SAMD7: variants seen among roughly 807,000 people sequenced by gnomAD.
SAMD7 encodes the protein sterile alpha motif domain-containing protein 7.
In SAMD7, 34 loss-of-function variants were observed where a neutral mutation model predicts 36.7. The observed-to-expected ratio is 0.93, with a 90% CI of 0.71 to 1.23. The LOEUF (loss-of-function observed/expected upper bound fraction) is 1.23. SAMD7 is among the 50% of genes most tolerant of loss of function. The pLI is 0.00. For synonymous variants in SAMD7, 188 were observed against 189.7 expected (o/e 0.99, Z 0.07); for missense variants, 570 against 546.6 (o/e 1.04, Z -0.43).
At chr3:169,924,393 C>T (rs1713170972) in intron 4 of SAMD7, among the ~76,000 whole-genome samples, 1 of 151,922 alleles carries the variant, frequency 6.6e-6, no homozygotes. Flanking sequence ...TCGAGACCAG[C>T]CTGGCCAACA....
At chr3:169,929,432 G>C (rs1204844133) in intron 7 of SAMD7, among the ~76,000 whole-genome samples, 2 of 152,108 alleles carry the variant, frequency 1.3e-5, no homozygotes, top group Non-Finnish European at 2.9e-5. Context: ...GATCTGTTTT[G>C]TGAAATGTTT....
chr3:169,938,658 G>T lies in SAMD7; in HGVS notation c.*152G>T, dbSNP rs958657726. The T allele has an allele frequency of 1.1e-5, 6 of 561,998 alleles. No homozygotes were observed. Among genetic ancestry groups the T allele is most frequent in the South Asian group, 2.6e-5 (1 of 37,950 alleles). 34.8% of individuals were successfully genotyped at this position (561,998 alleles called of 1,614,324 possible). The stretch of plus-strand genomic sequence containing the variant: ...TTCATGGAGGAGACTTGCCCAAGGG[G>T]CTTCCCTGCCAGGGCTGAATGACCC... On this transcript the variant is annotated 3_prime_UTR_variant, in exon 9 of 9. Coordinates refer to ENST00000335556, the MANE Select transcript of SAMD7 (RefSeq NM_001304366.2).
At chr3:169,929,703 A>C (rs1308933996) in intron 7 of SAMD7, among the ~76,000 whole-genome samples, 1 of 152,130 alleles carries the variant, frequency 6.6e-6, no homozygotes, top group Non-Finnish European at 1.5e-5. Flanking sequence ...GATTTTTGTG[A>C]GCATTAGAGT....
chr3:169,921,191 A>G (rs1317884516), intron 3 of SAMD7, 23 bp from the exon 4 acceptor site: 1 of 1,611,388 alleles, frequency 6.2e-7, no homozygotes. Context: ...TACCTATTTT[A>G]TTTTATATCT....
At chr3:169,932,883 A>G in intron 7 of SAMD7, 4 of 627,334 alleles carry the variant, frequency 6.4e-6, no homozygotes, top group South Asian at 3.0e-5. Context: ...TGCCATTACT[A>G]TAAGAACTTT....
At chr3:169,914,430 G>A (rs1454016189) in intron 1 of SAMD7, among the ~76,000 whole-genome samples, 3 of 152,176 alleles carry the variant, frequency 2.0e-5, no homozygotes, top group South Asian at 2.1e-4. Context: ...AAACAAATGA[G>A]GGAAGCCAAG....
At chr3:169,924,454 G>T (rs1226717778) in intron 4 of SAMD7, among the ~76,000 whole-genome samples, 10 of 151,972 alleles carry the variant, frequency 6.6e-5, no homozygotes, top group Non-Finnish European at 1.2e-4. Context: ...GGGTGTGGTG[G>T]CATGCGCCTG....
chr3:169,936,321 C>T lies in SAMD7; in HGVS notation c.1042-18C>T. 1 of 1,447,024 alleles carries T rather than the reference C, an allele frequency of 6.9e-7. No individual in the cohort carries two copies. Among genetic ancestry groups the T allele is most frequent in the South Asian group, 1.2e-5 (1 of 86,304 alleles). The allele number at this position is 1,447,024 out of a possible 1,614,324, so 89.6% of individuals were successfully genotyped here. Reference sequence around the variant, plus strand: ...AAAAGACATTCAGACAGAGTTAACACCTTTTGTATTTATGAAGGTATTTAA... The same window carrying T: ...AAAAGACATTCAGACAGAGTTAACATCTTTTGTATTTATGAAGGTATTTAA... On this transcript the variant is annotated intron_variant, in intron 7 of 8. Transcript: ENST00000335556.
intron 7 of SAMD7, among the ~76,000 whole-genome samples, chr3:169,934,909 G>A (rs1576839382): frequency 6.6e-6 from 1 of 152,210 alleles, no homozygotes; most frequent in East Asian, 1.9e-4. Context: ...GTACCCAGGA[G>A]GGAGCAGCCT....
At chr3:169,912,602 A>C (rs577064993) in intron 1 of SAMD7, among the ~76,000 whole-genome samples, 1 of 152,334 alleles carries the variant, frequency 6.6e-6, no homozygotes, top group African/African-American at 2.4e-5. Context: ...TTTTCTTTAC[A>C]ATACTTGTAA....
intron 7 of SAMD7, among the ~76,000 whole-genome samples, chr3:169,933,570 T>C (rs928130601): frequency 1.3e-5 from 2 of 152,224 alleles, no homozygotes; most frequent in African/African-American, 4.8e-5. Flanking sequence ...CTCTGGAGTG[T>C]GTGTTTTGAG....
intron 4 of SAMD7, 127 bp from the exon 5 acceptor site, chr3:169,924,931 G>A (rs1217858255): frequency 6.5e-6 from 4 of 613,038 alleles, no homozygotes; most frequent in Non-Finnish European, 1.1e-5. Flanking sequence ...TTCCAAAATT[G>A]TGCGCAATTG....
intron 4 of SAMD7, among the ~76,000 whole-genome samples, chr3:169,924,626 G>A (rs973498419): frequency 1.3e-5 from 2 of 152,118 alleles, no homozygotes; most frequent in African/African-American, 4.8e-5. Flanking sequence ...ACCACAAAAA[G>A]TGATAAATAT....
At chr3:169,924,232 T>A (rs1035951050) in intron 4 of SAMD7, among the ~76,000 whole-genome samples, 4 of 151,956 alleles carry the variant, frequency 2.6e-5, no homozygotes, top group Admixed American at 1.3e-4. Context: ...TATGATTTCT[T>A]TCAAGATAGA....
chr3:169,928,719 G>A lies in SAMD7; in HGVS notation c.1041+141G>A, dbSNP rs1402814941. The A allele has an allele frequency of 9.2e-6, 8 of 866,576 alleles. No homozygotes were observed. The South Asian group carries it at 1.0e-4, about 11-fold the overall frequency. 53.7% of individuals were successfully genotyped at this position (866,576 alleles called of 1,614,324 possible). On this transcript the variant is annotated intron_variant, in intron 7 of 8. Transcript: ENST00000335556. ...CTTTTTTATGCCAGTGTCTACCCTG[G>A]GACAGGTCTCTGATTGGTGGAACTT...
intron 8 of SAMD7, among the ~76,000 whole-genome samples, chr3:169,937,450 T>C (rs1372223949): frequency 3.3e-5 from 5 of 152,046 alleles, no homozygotes; most frequent in African/African-American, 1.2e-4. Context: ...GTTGTTCCCC[T>C]CCCTATGTCC....
chr3:169,930,578 CTTTTTT>C (rs772549629), intron 7 of SAMD7, among the ~76,000 whole-genome samples: 2 of 101,724 alleles, frequency 2.0e-5, no homozygotes, highest in African/African-American at 4.1e-5. Flanking sequence ...CCTTTCTTTT[CTTTTTT>C]TTTTTTTTTT....
chr3:169,912,739 GT>G (rs1365222215), intron 1 of SAMD7, among the ~76,000 whole-genome samples: 1 of 152,170 alleles, frequency 6.6e-6, no homozygotes, highest in African/African-American at 2.4e-5. Flanking sequence ...GCTTTCCAGG[GT>G]ATGTGCTATG....
chr3:169,938,834 T>C lies in SAMD7; in HGVS notation c.*328T>C. 1 of 198,024 alleles carries C rather than the reference T, an allele frequency of 5.0e-6. No homozygotes were observed. The highest frequency in any genetic ancestry group is 1.0e-5 in the Non-Finnish European group (1 of 98,942). The allele number at this position is 198,024 out of a possible 1,614,324, so 12.3% of individuals were successfully genotyped here. The stretch of plus-strand genomic sequence containing the variant: ...AAACTGAAAAAAGAGCTCCCTCCCT[T>C]TTTTCACTCATTTTCCATTCCCAAA... On this transcript the variant is annotated 3_prime_UTR_variant, in exon 9 of 9. Coordinates refer to ENST00000335556, the MANE Select transcript of SAMD7 (RefSeq NM_001304366.2).
Sources: allele counts gnomAD v4.1 joint callset (sites outside exome capture counted in the v4.1 genomes callset), GRCh38; gene constraint gnomAD v4.1.1; transcripts MANE v1.5; gene names NCBI Gene and HGNC (gene_info 2026-07-23, HGNC 2026-07-21).